Variants in PRELID2 observed in about 807,000 individuals in gnomAD.
PRELID2 encodes the protein PRELI domain-containing protein 2.
In PRELID2, 25 loss-of-function variants were observed where a neutral mutation model predicts 28.4. The ratio of observed to expected loss-of-function variants is 0.88; its 90% CI spans 0.64 to 1.23. PRELID2 has a LOEUF of 1.23. Among genes scored for constraint, PRELID2 ranks in the 50% most tolerant of loss-of-function variants. PRELID2 has a pLI of 0.00. For missense variants in PRELID2, 201 were observed against 214.4 expected (o/e 0.94, Z 0.39); for synonymous variants, 76 against 71.6 (o/e 1.06, Z -0.31).
chr5:145,706,063 C>G (rs924950064), intron 1 of PRELID2, among the ~76,000 whole-genome samples: 1 of 151,714 alleles, frequency 6.6e-6, no homozygotes, highest in Non-Finnish European at 1.5e-5. Context: ...GTTTTTGTAG[C>G]ATAGGCATAT....
intron 1 of PRELID2, among the ~76,000 whole-genome samples, chr5:145,594,314 A>T (rs911156418): frequency 6.6e-6 from 1 of 152,174 alleles, no homozygotes; most frequent in Non-Finnish European, 1.5e-5. Context: ...GTGCCAACTG[A>T]TAAAAAGTAT....
At chr5:145,386,627 G>A in the PRELID2 span, among the ~76,000 whole-genome samples, 58 of 152,244 alleles carry the variant, frequency 3.8e-4, 1 homozygote, top group African/African-American at 1.3e-3. Flanking sequence ...TGTCTTTATA[G>A]CAGTGTGAAA....
chr5:145,272,230 AAC>A, the PRELID2 span, among the ~76,000 whole-genome samples: 1 of 152,210 alleles, frequency 6.6e-6, no homozygotes, highest in African/African-American at 2.4e-5. Context: ...TGAGAAGATT[AAC>A]ATTTCAATAC....
At chr5:145,733,855 G>A (rs375696576) in intron 1 of PRELID2, among the ~76,000 whole-genome samples, 3 of 152,122 alleles carry the variant, frequency 2.0e-5, no homozygotes, top group African/African-American at 7.2e-5. Context: ...AAGGGACTTC[G>A]CAGTTATAAT....
intron 5 of PRELID2, among the ~76,000 whole-genome samples, chr5:145,770,414 G>A (rs1758031286): frequency 6.6e-6 from 1 of 152,066 alleles, no homozygotes; most frequent in Non-Finnish European, 1.5e-5. Context: ...TACCTACTTA[G>A]GATCACTTGA....
At chr5:145,324,626 G>A in the PRELID2 span, among the ~76,000 whole-genome samples, 5 of 152,246 alleles carry the variant, frequency 3.3e-5, no homozygotes, top group East Asian at 9.6e-4. Flanking sequence ...AAAATAACAT[G>A]AAGTGTTTTT....
At chr5:145,797,969 C>G (rs149341547) in intron 4 of PRELID2, among the ~76,000 whole-genome samples, 4 of 151,594 alleles carry the variant, frequency 2.6e-5, no homozygotes, top group Admixed American at 2.6e-4. Flanking sequence ...CTAAATGGAT[C>G]AGGAAAAATA....
the PRELID2 span, among the ~76,000 whole-genome samples, chr5:145,265,943 A>T: frequency 6.6e-6 from 1 of 152,182 alleles, no homozygotes; most frequent in East Asian, 1.9e-4. Flanking sequence ...AATGCAACAA[A>T]AACAAAGATA....
chr5:145,656,851 A>G (rs1754405184), intron 1 of PRELID2, among the ~76,000 whole-genome samples: 1 of 152,100 alleles, frequency 6.6e-6, no homozygotes, highest in Non-Finnish European at 1.5e-5. Context: ...TGTATACATA[A>G]GTAACAAACC....
the PRELID2 span, among the ~76,000 whole-genome samples, chr5:145,444,554 T>C: frequency 6.6e-6 from 1 of 152,066 alleles, no homozygotes; most frequent in Non-Finnish European, 1.5e-5. Context: ...TCTGGATATT[T>C]GCACTGCCAC....
the PRELID2 span, among the ~76,000 whole-genome samples, chr5:145,436,163 C>T: frequency 1.3e-5 from 2 of 152,084 alleles, no homozygotes; most frequent in African/African-American, 4.8e-5. Flanking sequence ...TTTTTAGCTC[C>T]CACTTATAAG....
At chr5:145,422,285 C>A in the PRELID2 span, among the ~76,000 whole-genome samples, 2 of 151,096 alleles carry the variant, frequency 1.3e-5, no homozygotes, top group South Asian at 4.2e-4. Flanking sequence ...TCCTGGGTAT[C>A]CTTCTTGACT....
chr5:145,791,305 G>A lies in PRELID2; in HGVS notation c.474+5137C>T, dbSNP rs539399888. Among the ~76,000 whole-genome samples the A allele has an allele frequency of 2.5e-4, 38 of 152,208 alleles. No individual in the cohort carries two copies. The South Asian group carries it at 6.8e-3, about 27-fold the overall frequency. ...ACACGTGGGGATTATTACAATTCAC[G>A]TAAGATTTGGGTGGGAACATAGCCA... On this transcript the variant is annotated intron_variant, in intron 5 of 6. Coordinates refer to ENST00000683046, the MANE Select transcript of PRELID2 (RefSeq NM_205846.3).
the PRELID2 span, among the ~76,000 whole-genome samples, chr5:145,414,520 TTTTC>T: frequency 6.6e-6 from 1 of 152,208 alleles, no homozygotes; most frequent in South Asian, 2.1e-4. Context: ...GACAGAACAC[TTTTC>T]TTTCTTTTTC....
At chr5:145,299,643 G>T in the PRELID2 span, among the ~76,000 whole-genome samples, 4 of 79,344 alleles carry the variant, frequency 5.0e-5, no homozygotes, top group African/African-American at 1.4e-4. Context: ...ATATGTGTGT[G>T]CGTGTGTGTG....
At chr5:145,681,897 T>C (rs1754942959) in intron 1 of PRELID2, among the ~76,000 whole-genome samples, 1 of 152,234 alleles carries the variant, frequency 6.6e-6, no homozygotes, top group Non-Finnish European at 1.5e-5. Flanking sequence ...TACCTGCTCA[T>C]GCCAAATTAG....
At chr5:145,428,266 TC>T in the PRELID2 span, among the ~76,000 whole-genome samples, 1 of 152,158 alleles carries the variant, frequency 6.6e-6, no homozygotes, top group Non-Finnish European at 1.5e-5. Context: ...GCCAAACAAT[TC>T]AATTTCTACT....
chr5:145,700,488 A>G (rs1755381391), intron 1 of PRELID2, among the ~76,000 whole-genome samples: 1 of 152,212 alleles, frequency 6.6e-6, no homozygotes, highest in South Asian at 2.1e-4. Flanking sequence ...GTTTTCATAA[A>G]TAGCCACTGC....
In PRELID2 at chr5:145,692,297, T is replaced by C. The variant is rs569304508; in HGVS notation, n.70+72634A>G. Among the ~76,000 whole-genome samples, 9 of 152,300 alleles carry C rather than the reference T, an allele frequency of 5.9e-5. No homozygotes were observed. The South Asian group carries it at 1.9e-3, about 32-fold the overall frequency. ...GAATGTTTTTGAGAGTTGCAGTCGA[T>C]GGGACAGGAAAGGTTTATATGTATT... On this transcript the variant is annotated intron_variant and non_coding_transcript_variant, in intron 1 of 2. Transcript: ENST00000510259.
Sources: allele counts gnomAD v4.1 joint callset (sites outside exome capture counted in the v4.1 genomes callset), GRCh38; gene constraint gnomAD v4.1.1; transcripts MANE v1.5; gene names NCBI Gene and HGNC (gene_info 2026-07-23, HGNC 2026-07-21).